MFNG: variants seen among roughly 807,000 people sequenced by gnomAD.
MFNG encodes beta-1,3-N-acetylglucosaminyltransferase manic fringe.
A neutral mutation model predicts 34.2 loss-of-function variants in MFNG; 24 were observed. The observed-to-expected ratio is 0.70, with a 90% CI of 0.51 to 0.99. MFNG has a LOEUF of 0.99. MFNG is among the 50% of genes least tolerant of loss of function. The pLI is 0.00. For synonymous variants in MFNG, 158 were observed against 179.2 expected, an observed-to-expected ratio of 0.88 and a Z score of 0.94; for missense variants, 383 against 424.0, an observed-to-expected ratio of 0.90 and a Z score of 0.85.
rs750238306 is a variant in MFNG, at chr22:37,469,952, C to A, written c.*11G>T. The A allele has an allele frequency of 6.3e-7, 1 of 1,597,430 alleles. No homozygotes were observed. The highest frequency in any genetic ancestry group is 1.1e-5 in the South Asian group (1 of 88,428). On this transcript the variant is annotated 3_prime_UTR_variant, in exon 8 of 8. Transcript: ENST00000356998. ...AAGTCTCTGCCCAACCTTTGCCCAGCAGTTCAGGATTCATCGGGCACCCAG... is the reference window on the plus strand; with the variant it reads ...AAGTCTCTGCCCAACCTTTGCCCAGAAGTTCAGGATTCATCGGGCACCCAG...
Position 37,479,394 on chromosome 22 carries a change from C to T in MFNG, c.512G>A (p.Ser171Asn). Reference sequence around the variant, plus strand: ...TGAGGCATGGATGGGCCGGTTCAGGCTGGGCCTTCCCACATAGACGTCGCG... The same window carrying T: ...TGAGGCATGGATGGGCCGGTTCAGGTTGGGCCTTCCCACATAGACGTCGCG... Reference protein sequence around the residue: ...LARDVYVGRPSLNRPIHASEP... With the variant: ...LARDVYVGRPNLNRPIHASEP... The change falls in exon 4 of 8, where the codon AGC becomes AAC. Residue 171 changes from serine (S) to asparagine (N), a missense_variant. Ser to Asn is a conservative substitution (Grantham distance 46). Transcript: ENST00000356998. The T allele has an allele frequency of 6.2e-7, 1 of 1,608,398 alleles. No individual in the cohort carries two copies. Among genetic ancestry groups the T allele is most frequent in the Non-Finnish European group, 8.5e-7 (1 of 1,177,276 alleles).
Position 37,486,143 on chromosome 22 carries a change from G to A in MFNG, c.35C>T (p.Ala12Val), listed in dbSNP as rs1378134004. The A allele has an allele frequency of 1.3e-6, 2 of 1,592,862 alleles. No homozygotes were observed. Among genetic ancestry groups the A allele is most frequent in the East Asian group, 2.3e-5 (1 of 44,228 alleles). Residue 12 changes from alanine to valine, a missense_variant, in exon 1 of 8, where the codon GCC becomes GTC. Transcript: ENST00000356998. ...CCCCATGCACAGGAGGGTGAGGAGG[G>A]CTCCAGCCAGGCCCCGCGGGAGCCG... ...QCRLPRGLAG[A>V]LLTLLCMGLL...
Position 37,469,779 on chromosome 22 carries a change from ACCTC to A in MFNG, c.*180_*183del. On this transcript the variant is annotated 3_prime_UTR_variant, in exon 8 of 8. Coordinates refer to ENST00000356998, the MANE Select transcript of MFNG (RefSeq NM_002405.4). ...CCTGGTCCCCTGGGCTGTCTAACTCACCTCCCAGGGGCCTGGGGTGCCTTCAGTG... is the reference window on the plus strand; with the variant it reads ...CCTGGTCCCCTGGGCTGTCTAACTCACCAGGGGCCTGGGGTGCCTTCAGTG... 1.4e-6 allele frequency: 1 copy of A among 701,318 alleles called. No homozygotes were observed. Among genetic ancestry groups the A allele is most frequent in the Non-Finnish European group, 2.7e-6 (1 of 375,922 alleles). 43.4% of individuals were successfully genotyped at this position (701,318 alleles called of 1,614,324 possible).
At chr22:37,470,333 G>A (rs1054755069) in intron 7 of MFNG, among the ~76,000 whole-genome samples, 3 of 152,196 alleles carry the variant, frequency 2.0e-5, no homozygotes, top group African/African-American at 4.8e-5. Context: ...CTTGAGAACC[G>A]CTAGTTTGGA....
At chr22:37,476,864 G>A (rs374279874) in intron 5 of MFNG, 32 bp downstream of exon 5, 41 of 692,244 alleles carry the variant, frequency 5.9e-5, no homozygotes, top group Non-Finnish European at 9.1e-5. Flanking sequence ...CCCCCTCCCC[G>A]CCTTCCTGCC....
At chr22:37,480,041 A>G (rs1430264415) in intron 3 of MFNG, among the ~76,000 whole-genome samples, 156 bp downstream of exon 3, 3 of 151,950 alleles carry the variant, frequency 2.0e-5, no homozygotes, top group Non-Finnish European at 4.4e-5. Flanking sequence ...CACATACCCA[A>G]TCCTGAATGT....
At position 37,473,919 on chromosome 22, in the gene MFNG, G is replaced by A. The variant is rs80228554; in HGVS notation, c.813+593C>T. Among the ~76,000 whole-genome samples the A allele has an allele frequency of 6.7e-3, 1,024 of 152,354 alleles. 8 individuals are homozygous for A. Among genetic ancestry groups the A allele is most frequent in the African/African-American group, 0.023 (965 of 41,576 alleles). ...AGCCAGGACCATCTACAGTGTCAGA[G>A]GGCAGCCTCTCCGAGGCAGAGCCAG... On this transcript the variant is annotated intron_variant, in intron 6 of 7. Coordinates refer to ENST00000356998, the MANE Select transcript of MFNG (RefSeq NM_002405.4).
intron 1 of MFNG, 98 bp from the exon 2 acceptor site, chr22:37,480,867 A>G: frequency 1.9e-6 from 2 of 1,033,890 alleles, no homozygotes; most frequent in Non-Finnish European, 1.5e-6. Context: ...TGGACTCTGT[A>G]CTCCTCCAGT....
At position 37,480,193 on chromosome 22, in the gene MFNG, T is replaced by C. The variant is rs367818234; in HGVS notation, c.407+4A>G. The stretch of plus-strand genomic sequence containing the variant: ...CTTATCCCCAGAGACCCAGGAACAC[T>C]CGCCTAAGCCCACTGGCCAAGAAGG... On this transcript the variant is annotated splice_donor_region_variant and intron_variant, in intron 3 of 7. Coordinates refer to ENST00000356998, the MANE Select transcript of MFNG (RefSeq NM_002405.4). The C allele has an allele frequency of 1.9e-6, 3 of 1,599,842 alleles. No individual in the cohort carries two copies. Among genetic ancestry groups the C allele is most frequent in the Non-Finnish European group, 2.6e-6 (3 of 1,168,856 alleles).
intron 5 of MFNG, among the ~76,000 whole-genome samples, chr22:37,476,127 C>A (rs1396635126): frequency 6.6e-6 from 1 of 152,026 alleles, no homozygotes; most frequent in Non-Finnish European, 1.5e-5. Flanking sequence ...CTTGATGGAG[C>A]ACAGAGCTGG....
Position 37,470,021 on chromosome 22 carries a change from G to A in MFNG, c.908C>T (p.Ser303Phe), listed in dbSNP as rs1359306177. Residue 303 changes from serine to phenylalanine, a missense_variant, in exon 8 of 8, where the codon TCC becomes TTC. Transcript: ENST00000356998. ...SPEEDPSRFR[S>F]LHCLLYPDTP... ...ATCTGGATAGAGCAGACAATGGAGGGAGCGAAATCTGCAGAGAGACCAGAA... is the reference window on the plus strand; with the variant it reads ...ATCTGGATAGAGCAGACAATGGAGGAAGCGAAATCTGCAGAGAGACCAGAA... 4.4e-6 allele frequency: 7 copies of A among 1,606,504 alleles called. No homozygotes were observed. Among genetic ancestry groups the A allele is most frequent in the Admixed American group, 1.7e-5 (1 of 59,278 alleles).
intron 5 of MFNG, 74 bp from the exon 6 acceptor site, chr22:37,474,751 G>A (rs1341321253): frequency 1.3e-5 from 19 of 1,480,676 alleles, no homozygotes; most frequent in Non-Finnish European, 1.6e-5. Context: ...CCCCATGAAG[G>A]CCCTCCACTG....
At chr22:37,470,766 A>G (rs761574145) in intron 7 of MFNG, among the ~76,000 whole-genome samples, 5 of 152,192 alleles carry the variant, frequency 3.3e-5, no homozygotes, top group Non-Finnish European at 7.3e-5. Flanking sequence ...GCGTCCAGAC[A>G]GAGCCTACAA....
chr22:37,479,323 A>C, intron 4 of MFNG, 22 bp downstream of exon 4: 3 of 1,542,610 alleles, frequency 1.9e-6, no homozygotes, highest in Non-Finnish European at 2.6e-6. Context: ...CCAAGGGGCA[A>C]AGGAGGAGGA....
intron 2 of MFNG, 65 bp downstream of exon 2, chr22:37,480,656 A>G: frequency 6.6e-7 from 1 of 1,505,090 alleles, no homozygotes; most frequent in South Asian, 1.2e-5. Flanking sequence ...GCCAGGGCAC[A>G]GCCGCCCCAG....
chr22:37,472,881 C>A (rs1921873232), intron 6 of MFNG, among the ~76,000 whole-genome samples: 1 of 152,176 alleles, frequency 6.6e-6, no homozygotes, highest in Non-Finnish European at 1.5e-5. Flanking sequence ...CACTGGAGGG[C>A]CTTGGCACAT....
chr22:37,478,811 T>C (rs1922156023), intron 4 of MFNG, among the ~76,000 whole-genome samples: 1 of 152,124 alleles, frequency 6.6e-6, no homozygotes. Context: ...CCCGAGTAGC[T>C]GGGACTACAG....
intron 6 of MFNG, 36 bp downstream of exon 6, chr22:37,474,476 C>T: frequency 6.2e-7 from 1 of 1,609,464 alleles, no homozygotes; most frequent in South Asian, 1.1e-5. Context: ...TTTGGTTCCC[C>T]TTCCCATTTG....
At position 37,469,998 on chromosome 22, in the gene MFNG, C is replaced by T. The variant is rs1180451627; in HGVS notation, c.931G>A (p.Asp311Asn). 2 of 1,609,372 alleles carry T rather than the reference C, an allele frequency of 1.2e-6. No homozygotes were observed. The highest frequency in any genetic ancestry group is 1.7e-6 in the Non-Finnish European group (2 of 1,177,706). The change falls in exon 8 of 8, where the codon GAT (aspartate) becomes AAT (asparagine). Residue 311 changes from aspartate to asparagine, a missense_variant. Physicochemically the swap from Asp to Asn is conservative, Grantham distance 23. Coordinates refer to ENST00000356998, the MANE Select transcript of MFNG (RefSeq NM_002405.4). ...CCCAGCTGGGGACACCAGGGTGTAT[C>T]TGGATAGAGCAGACAATGGAGGGAG... ...FRSLHCLLYPDTPWCPQLGAR is the reference protein window; with the variant it reads ...FRSLHCLLYPNTPWCPQLGAR
Sources: allele counts gnomAD v4.1 joint callset (sites outside exome capture counted in the v4.1 genomes callset), GRCh38; gene constraint gnomAD v4.1.1; transcripts MANE v1.5; gene names NCBI Gene and HGNC (gene_info 2026-07-23, HGNC 2026-07-21).